The following UBE2E2 variants were observed in gnomAD, a reference collection of about 807,000 sequenced individuals.
The protein encoded by UBE2E2 is ubiquitin conjugating enzyme E2 E2.
UBE2E2 carries 6 observed loss-of-function variants against 24.7 expected under a neutral mutation model. The ratio of observed to expected loss-of-function variants is 0.24; its 90% CI spans 0.13 to 0.48. UBE2E2 has a LOEUF of 0.48. Ranked by LOEUF, UBE2E2 falls within the 20% of genes least tolerant of loss-of-function variation. UBE2E2 has a pLI of 0.99. For missense variants in UBE2E2, 169 were observed against 245.0 expected, an observed-to-expected ratio of 0.69 and a Z score of 2.07; for synonymous variants, 104 against 83.6, an observed-to-expected ratio of 1.24 and a Z score of -1.33.
chr3:23,590,838 A>G lies in UBE2E2; in HGVS notation c.*1007A>G, dbSNP rs1178010693. The G allele has an allele frequency of 1.3e-5, 2 of 152,222 alleles. No homozygotes were observed. Among genetic ancestry groups the G allele is most frequent in the Admixed American group, 6.5e-5 (1 of 15,288 alleles). 9.4% of individuals were successfully genotyped at this position (152,222 alleles called of 1,614,324 possible). The stretch of plus-strand genomic sequence containing the variant: ...TCTGTTACAGCCTTCTTTATCAACA[A>G]TTAAAATATGTAACTCCAAAAATAG... On this transcript the variant is annotated 3_prime_UTR_variant, in exon 6 of 6. Coordinates refer to ENST00000396703, the MANE Select transcript of UBE2E2 (RefSeq NM_152653.4).
chr3:23,219,945 C>G (rs1275415705), intron 3 of UBE2E2, among the ~76,000 whole-genome samples: 1 of 152,074 alleles, frequency 6.6e-6, no homozygotes, highest in African/African-American at 2.4e-5. Context: ...CAACCCAATA[C>G]TGTGTGTTTG....
intron 3 of UBE2E2, among the ~76,000 whole-genome samples, chr3:23,496,579 G>A (rs1229634094): frequency 6.6e-6 from 1 of 152,008 alleles, no homozygotes; most frequent in Non-Finnish European, 1.5e-5. Flanking sequence ...TTTATTAAAT[G>A]TATTTTTAAG....
At chr3:23,422,587 G>A (rs1252960361) in intron 3 of UBE2E2, among the ~76,000 whole-genome samples, 1 of 152,178 alleles carries the variant, frequency 6.6e-6, no homozygotes, top group Admixed American at 6.5e-5. Flanking sequence ...TCAGCCCTAT[G>A]TTGGAACAAA....
At chr3:23,325,326 G>T (rs1694855352) in intron 3 of UBE2E2, among the ~76,000 whole-genome samples, 1 of 152,036 alleles carries the variant, frequency 6.6e-6, no homozygotes, top group Non-Finnish European at 1.5e-5. Flanking sequence ...TTCAATTTGT[G>T]TACTCTTTTC....
At chr3:23,447,740 G>A (rs185833005) in intron 3 of UBE2E2, among the ~76,000 whole-genome samples, 2 of 152,218 alleles carry the variant, frequency 1.3e-5, no homozygotes, top group Admixed American at 1.3e-4. Flanking sequence ...CCCCTTTCAA[G>A]AAGAGTAATA....
chr3:23,513,817 C>G, intron 4 of UBE2E2, among the ~76,000 whole-genome samples: 1 of 152,066 alleles, frequency 6.6e-6, no homozygotes, highest in South Asian at 2.1e-4. Context: ...TTTCATGTGT[C>G]CAGAATTTGG....
intron 3 of UBE2E2, among the ~76,000 whole-genome samples, chr3:23,340,345 A>G (rs1436911746): frequency 6.6e-6 from 1 of 152,172 alleles, no homozygotes; most frequent in Non-Finnish European, 1.5e-5. Context: ...GTGAGGAAAA[A>G]TAATTTGCAT....
At chr3:23,535,740 A>G (rs989674303) in intron 5 of UBE2E2, among the ~76,000 whole-genome samples, 29 of 146,984 alleles carry the variant, frequency 2.0e-4, no homozygotes, top group Non-Finnish European at 3.7e-4. Context: ...CTCCTGCCTC[A>G]GCCTCCCGAG....
chr3:23,570,802 A>T (rs1335775682), intron 5 of UBE2E2, among the ~76,000 whole-genome samples: 6 of 152,228 alleles, frequency 3.9e-5, no homozygotes, highest in Admixed American at 2.0e-4. Flanking sequence ...TGCTAAATCA[A>T]ATAATAGTTT....
intron 4 of UBE2E2, among the ~76,000 whole-genome samples, chr3:23,521,131 C>CATAAAA (rs1694854137): frequency 2.0e-5 from 3 of 152,136 alleles, no homozygotes; most frequent in Non-Finnish European, 2.9e-5. Flanking sequence ...AAATGTATTA[C>CATAAAA]TCCTTTCCTG....
intron 3 of UBE2E2, among the ~76,000 whole-genome samples, chr3:23,282,995 A>G (rs1322628596): frequency 6.6e-6 from 1 of 152,210 alleles, no homozygotes; most frequent in East Asian, 1.9e-4. Flanking sequence ...GAGTGATAAT[A>G]TAATGATAAC....
intron 3 of UBE2E2, among the ~76,000 whole-genome samples, chr3:23,386,441 C>T (rs371243824): frequency 1.3e-5 from 2 of 151,962 alleles, no homozygotes; most frequent in African/African-American, 2.4e-5. Flanking sequence ...AGCGGGGACA[C>T]GAACATTCGG....
At chr3:23,293,051 C>T (rs1334212571) in intron 3 of UBE2E2, among the ~76,000 whole-genome samples, 2 of 152,148 alleles carry the variant, frequency 1.3e-5, no homozygotes, top group Non-Finnish European at 2.9e-5. Context: ...CCAGCCTGGG[C>T]AACAAGAGCG....
At chr3:23,391,294 A>G (rs986563428) in intron 3 of UBE2E2, among the ~76,000 whole-genome samples, 2 of 152,220 alleles carry the variant, frequency 1.3e-5, no homozygotes, top group Non-Finnish European at 2.9e-5. Context: ...TACTTAAACT[A>G]TACATTTTTA....
intron 5 of UBE2E2, among the ~76,000 whole-genome samples, chr3:23,582,486 C>T (rs75246179): frequency 0.021 from 3,177 of 152,250 alleles, 125 homozygotes; most frequent in African/African-American, 0.071. Context: ...CACTGCTTTC[C>T]GCAGTGGTTT....
At chr3:23,365,486 G>A (rs935611417) in intron 3 of UBE2E2, among the ~76,000 whole-genome samples, 13 of 152,102 alleles carry the variant, frequency 8.5e-5, no homozygotes, top group African/African-American at 3.1e-4. Flanking sequence ...TCTAAGCTGA[G>A]AGCCAAATCA....
rs556090065 is a variant in UBE2E2 at position 23,261,971 on chromosome 3, A to T, written c.227+44659A>T. 9.2e-5 allele frequency among the ~76,000 whole-genome samples: 14 copies of T among 152,312 alleles called. No individual in the cohort carries two copies. In the East Asian group the frequency reaches 2.7e-3, roughly 29 times the overall value. On this transcript the variant is annotated intron_variant, in intron 3 of 5. Coordinates refer to ENST00000396703, the MANE Select transcript of UBE2E2 (RefSeq NM_152653.4). The stretch of plus-strand genomic sequence containing the variant: ...TTATCTCTTTGATATTCTGATTTCC[A>T]TTCCTTTGGATATAGACCCAGAAGT...
At chr3:23,309,405 C>G (rs1316947113) in intron 3 of UBE2E2, among the ~76,000 whole-genome samples, 1 of 152,202 alleles carries the variant, frequency 6.6e-6, no homozygotes, top group Non-Finnish European at 1.5e-5. Context: ...ATACCTCATT[C>G]ATTCATTGGC....
At chr3:23,237,999 A>G (rs945330938) in intron 3 of UBE2E2, among the ~76,000 whole-genome samples, 4 of 152,140 alleles carry the variant, frequency 2.6e-5, no homozygotes, top group Non-Finnish European at 5.9e-5. Context: ...CAACAACCAT[A>G]AATACATTCA....
Sources: allele counts gnomAD v4.1 joint callset (sites outside exome capture counted in the v4.1 genomes callset), GRCh38; gene constraint gnomAD v4.1.1; transcripts MANE v1.5; gene names NCBI Gene and HGNC (gene_info 2026-07-23, HGNC 2026-07-21).